ABCA12: variants seen among roughly 807,000 people sequenced by gnomAD.
The protein encoded by ABCA12 is ATP binding cassette subfamily A member 12, also known as glucosylceramide transporter ABCA12.
ABCA12 carries 156 observed loss-of-function variants against 293.5 expected under a neutral mutation model. That is an observed-to-expected ratio of 0.53 (90% CI 0.47 to 0.61). The LOEUF is 0.61. ABCA12 is among the 20% of genes least tolerant of loss of function. The probability of loss-of-function intolerance (pLI) is 0.00; values close to 1 mark genes in which losing one functional copy is unlikely to be tolerated. For synonymous variants in ABCA12, 1,063 were observed against 1,108.0 expected (o/e 0.96, Z 0.81); for missense variants, 2,797 against 3,090.2 (o/e 0.91, Z 2.25).
chr2:215,113,131 T>C (rs1702611859), intron 1 of ABCA12, among the ~76,000 whole-genome samples: 2 of 152,196 alleles, frequency 1.3e-5, no homozygotes, highest in African/African-American at 2.4e-5. Context: ...CCTGGAGCTC[T>C]TCAATTCACC....
chr2:215,027,353 A>G (rs1700772369), intron 9 of ABCA12, among the ~76,000 whole-genome samples: 1 of 151,056 alleles, frequency 6.6e-6, no homozygotes, highest in South Asian at 2.1e-4. Flanking sequence ...CTCAAAAAAA[A>G]AGAAAAAAAA....
chr2:215,032,140 A>C (rs1363897883), intron 8 of ABCA12: 1 of 1,363,918 alleles, frequency 7.3e-7, no homozygotes, highest in African/African-American at 1.5e-5. Context: ...ATTTCTAACA[A>C]GTTCTTTGTC....
intron 6 of ABCA12, among the ~76,000 whole-genome samples, chr2:215,049,221 G>A (rs576204767): frequency 1.8e-4 from 28 of 152,182 alleles, no homozygotes; most frequent in African/African-American, 6.0e-4. Context: ...TGAAGTCAGT[G>A]AGAAAAATAA....
At chr2:215,034,248 C>A (rs1156488562) in intron 8 of ABCA12, among the ~76,000 whole-genome samples, 1 of 152,134 alleles carries the variant, frequency 6.6e-6, no homozygotes, top group Non-Finnish European at 1.5e-5. Flanking sequence ...AATTAGGTAT[C>A]TTGAGATAGG....
At chr2:215,117,856 G>T (rs543248266) in intron 1 of ABCA12, among the ~76,000 whole-genome samples, 69 of 152,286 alleles carry the variant, frequency 4.5e-4, no homozygotes, top group Non-Finnish European at 8.2e-4. Context: ...GTAACAGACT[G>T]GTGGTAGAAA....
At chr2:215,043,795 T>A (rs1701149760) in intron 7 of ABCA12, among the ~76,000 whole-genome samples, 1 of 152,092 alleles carries the variant, frequency 6.6e-6, no homozygotes, top group African/African-American at 2.4e-5. Context: ...TACAAACATT[T>A]CAATCACCCC....
intron 51 of ABCA12, among the ~76,000 whole-genome samples, chr2:214,936,673 C>T (rs1360400131): frequency 2.0e-5 from 3 of 152,170 alleles, no homozygotes; most frequent in Admixed American, 2.0e-4. Flanking sequence ...ATGAGATCAA[C>T]TGTACAATAT....
At chr2:215,091,971 C>T (rs958246187) in intron 2 of ABCA12, among the ~76,000 whole-genome samples, 1 of 152,324 alleles carries the variant, frequency 6.6e-6, no homozygotes, top group African/African-American at 2.4e-5. Flanking sequence ...GACTGTCCTA[C>T]TCACCTGGCA....
chr2:215,063,739 C>T (rs544022050), intron 3 of ABCA12, among the ~76,000 whole-genome samples: 1 of 152,036 alleles, frequency 6.6e-6, no homozygotes, highest in South Asian at 2.1e-4. Context: ...CTTACGACAT[C>T]TCATGCTTGT....
rs1297780210 is a variant in ABCA12 at position 215,015,572 on chromosome 2, G to A, written c.1874C>T (p.Ser625Phe). Residue 625 changes from serine (S) to phenylalanine (F), a missense_variant, in exon 15 of 53, where the codon TCT (serine) becomes TTT (phenylalanine). Coordinates refer to ENST00000272895, the MANE Select transcript of ABCA12 (RefSeq NM_173076.3). ...EDAMKEFCNL[S>F]LSERSRQSYL... ...AGACTGCCGGGATCTCTCTGAAAGA[G>A]ACAGGTTGCAGAATTCTTTCATTGC... 2 of 1,614,078 alleles carry A rather than the reference G, an allele frequency of 1.2e-6. No homozygotes were observed. The highest frequency in any genetic ancestry group is 1.3e-5 in the African/African-American group (1 of 75,042).
chr2:215,030,630 T>C (rs1700856716), intron 9 of ABCA12, among the ~76,000 whole-genome samples: 1 of 149,848 alleles, frequency 6.7e-6, no homozygotes. Flanking sequence ...GACATGACTA[T>C]ATGAAACATG....
At chr2:215,024,422 G>T (rs1328606402) in intron 11 of ABCA12, among the ~76,000 whole-genome samples, 3 of 152,158 alleles carry the variant, frequency 2.0e-5, no homozygotes, top group Non-Finnish European at 2.9e-5. Context: ...AGAAGAAAAA[G>T]TCATTATCCT....
intron 2 of ABCA12, among the ~76,000 whole-genome samples, chr2:215,087,139 T>C (rs1702057331): frequency 6.6e-6 from 1 of 152,066 alleles, no homozygotes; most frequent in Non-Finnish European, 1.5e-5. Flanking sequence ...ACTGGATTTC[T>C]CCATGTTGGT....
At chr2:215,104,304 A>G (rs1702418157) in intron 2 of ABCA12, among the ~76,000 whole-genome samples, 1 of 152,144 alleles carries the variant, frequency 6.6e-6, no homozygotes, top group South Asian at 2.1e-4. Flanking sequence ...CTTCAGAGAT[A>G]TTTCCTATTC....
intron 39 of ABCA12, among the ~76,000 whole-genome samples, chr2:214,965,833 C>G (rs1167265742): frequency 6.6e-6 from 1 of 152,146 alleles, no homozygotes; most frequent in Non-Finnish European, 1.5e-5. Flanking sequence ...GTGGTGATTC[C>G]TCAAAGATCT....
intron 5 of ABCA12, among the ~76,000 whole-genome samples, chr2:215,051,441 T>C (rs1380383461): frequency 6.6e-6 from 1 of 152,146 alleles, no homozygotes; most frequent in Non-Finnish European, 1.5e-5. Context: ...CTCAGTTTAT[T>C]GAAATGCCTC....
chr2:214,956,769 A>G lies in ABCA12; in HGVS notation c.6127T>C (p.Leu2043=). The G allele has an allele frequency of 6.2e-7, 1 of 1,610,416 alleles. No individual in the cohort carries two copies. The highest frequency in any genetic ancestry group is 1.7e-5 in the Admixed American group (1 of 59,998). The part of the protein sequence containing the change: ...TNFIYDMVFY[L]VPVAFSIGII... ...CCAATTGAAAACGCTACAGGCACCA[A>G]GTAGAAAACCTATGGAAATATTCAA... Residue 2043 remains leucine (L), a synonymous_variant, in exon 42 of 53, where the codon TTG becomes CTG. Coordinates refer to ENST00000272895, the MANE Select transcript of ABCA12 (RefSeq NM_173076.3).
chr2:215,114,126 C>A (rs985628123), intron 1 of ABCA12, among the ~76,000 whole-genome samples: 6 of 152,094 alleles, frequency 3.9e-5, no homozygotes, highest in African/African-American at 1.4e-4. Flanking sequence ...AGGCACATGC[C>A]ACCATGCCCA....
At chr2:215,063,662 A>C (rs76031461) in intron 3 of ABCA12, among the ~76,000 whole-genome samples, 1,606 of 152,104 alleles carry the variant, frequency 0.011, 19 homozygotes, top group African/African-American at 0.037. Flanking sequence ...TTGTATCTGA[A>C]AGTATCACAC....
Sources: allele counts gnomAD v4.1 joint callset (sites outside exome capture counted in the v4.1 genomes callset), GRCh38; gene constraint gnomAD v4.1.1; transcripts MANE v1.5; gene names NCBI Gene and HGNC (gene_info 2026-07-23, HGNC 2026-07-21).